ROR2: variants seen among roughly 807,000 people sequenced by gnomAD.
ROR2 encodes ROR family WNT receptor 2.
Under a neutral mutation model 74.9 loss-of-function variants are expected in ROR2, and 33 were observed. The observed-to-expected ratio is 0.44, with a 90% confidence interval of 0.33 to 0.59. The LOEUF (loss-of-function observed/expected upper bound fraction) is 0.59. Ranked by LOEUF, ROR2 falls within the 20% of genes least tolerant of loss-of-function variation. The probability of loss-of-function intolerance (pLI) is 0.02; values close to 1 mark genes in which losing one functional copy is unlikely to be tolerated. For missense variants in ROR2, 1,216 were observed against 1,313.8 expected, an observed-to-expected ratio of 0.93 and a Z score of 1.15; for synonymous variants, 586 against 558.7, an observed-to-expected ratio of 1.05 and a Z score of -0.69.
chr9:91,744,568 T>TA (rs1336206625), intron 4 of ROR2, among the ~76,000 whole-genome samples: 1 of 152,284 alleles, frequency 6.6e-6, no homozygotes, highest in Admixed American at 6.5e-5. Flanking sequence ...CCTTGAGAAT[T>TA]AGACGCTGTA....
chr9:91,780,651 C>T (rs1564271874), intron 1 of ROR2, among the ~76,000 whole-genome samples: 1 of 151,960 alleles, frequency 6.6e-6, no homozygotes, highest in Non-Finnish European at 1.5e-5. Context: ...ATTAGCCAGG[C>T]GTGGTGGCAG....
At chr9:91,906,297 G>A (rs375497749) in intron 1 of ROR2, among the ~76,000 whole-genome samples, 4 of 152,286 alleles carry the variant, frequency 2.6e-5, no homozygotes, top group African/African-American at 7.2e-5. Context: ...CAAACTGCCC[G>A]TTCATAAGGA....
intron 2 of ROR2, among the ~76,000 whole-genome samples, chr9:91,758,264 T>C (rs772260903): frequency 6.6e-6 from 1 of 152,182 alleles, no homozygotes; most frequent in Non-Finnish European, 1.5e-5. Flanking sequence ...ACTTTAGGTA[T>C]TAGGTGAACT....
intron 1 of ROR2, among the ~76,000 whole-genome samples, chr9:91,849,463 G>A (rs747581383): frequency 6.6e-6 from 1 of 152,192 alleles, no homozygotes; most frequent in Non-Finnish European, 1.5e-5. Context: ...CAAGGAAGCC[G>A]GCTAGAAAGA....
In ROR2 at chr9:91,723,747, T is replaced by G. The variant is rs1057029126; in HGVS notation, c.2747A>C (p.Glu916Ala). Residue 916 changes from glutamate to alanine, a missense_variant, in exon 9 of 9, where the codon GAG (glutamate) becomes GCG (alanine). By Grantham distance (107) the Glu-to-Ala change is moderately radical. Transcript: ENST00000375708. ...CTCAGTCTCTGGGACAGAGCCTTCC[T>G]CCTCCTCCTCTGCTTCCTGCACGGT... ...QSTVQEAEEE[E>A]EGSVPETELL... 12 of 1,613,692 alleles carry G rather than the reference T, an allele frequency of 7.4e-6. No individual in the cohort carries two copies. The African/African-American group carries it at 1.1e-4, about 14-fold the overall frequency.
chr9:91,852,650 CCCA>C (rs1563999897), intron 1 of ROR2, among the ~76,000 whole-genome samples: 1,914 of 149,226 alleles, frequency 0.013, 49 homozygotes, highest in African/African-American at 0.045. Context: ...CACACACACA[CCCA>C]CACACACAAT....
chr9:91,759,026 T>C (rs1186438361), intron 2 of ROR2, among the ~76,000 whole-genome samples: 1 of 152,252 alleles, frequency 6.6e-6, no homozygotes, highest in Non-Finnish European at 1.5e-5. Flanking sequence ...AACAGATACA[T>C]CCATGTTCTG....
At chr9:91,902,843 C>T (rs1049338406) in intron 1 of ROR2, among the ~76,000 whole-genome samples, 4 of 152,102 alleles carry the variant, frequency 2.6e-5, no homozygotes, top group East Asian at 3.9e-4. Context: ...CTAAGGGAAC[C>T]GGGCCAGTCA....
chr9:91,774,359 G>C (rs1291043886), intron 2 of ROR2, among the ~76,000 whole-genome samples: 15 of 152,204 alleles, frequency 9.9e-5, no homozygotes, highest in Admixed American at 9.8e-4. Flanking sequence ...AGATTGGACA[G>C]AAATAAAGTG....
At chr9:91,771,713 CTCTCTCTCT>C (rs1298139822) in intron 2 of ROR2, among the ~76,000 whole-genome samples, 2 of 140,550 alleles carry the variant, frequency 1.4e-5, no homozygotes, top group East Asian at 2.3e-4. Flanking sequence ...TCTCTCTCTC[CTCTCTCTCT>C]TCTCTCTCTC....
Position 91,731,133 on chromosome 9 carries a change from TG to T in ROR2, c.959del (p.Ser320Ter). 6.2e-7 allele frequency: 1 copy of T among 1,614,108 alleles called. No homozygotes were observed. Reference sequence around the variant, plus strand: ...TTGCCGTTCCTCTGTAATCCATGCCTGAGCCGTTATAGCACTGATGGTCTGA... The same window carrying T: ...TTGCCGTTCCTCTGTAATCCATGCCTAGCCGTTATAGCACTGATGGTCTGA... Reference protein sequence around the residue: ...LGRYHQCYNGSGMDYRGTAST... With the variant: ...LGRYHQCYNGXGMDYRGTAST... On this transcript the variant is annotated frameshift_variant, in exon 7 of 9. Coordinates refer to ENST00000375708, the MANE Select transcript of ROR2 (RefSeq NM_004560.4). LOFTEE classifies it high-confidence loss of function.
intron 1 of ROR2, among the ~76,000 whole-genome samples, chr9:91,793,588 C>CTA (rs1827072843): frequency 6.6e-6 from 1 of 152,042 alleles, no homozygotes; most frequent in Admixed American, 6.5e-5. Context: ...TAGTGAAACT[C>CTA]TGTCTCTACT....
rs1007210801 is a variant in ROR2, at chr9:91,737,660, A to G, written c.495-142T>C. On this transcript the variant is annotated intron_variant, in intron 4 of 8. Coordinates refer to ENST00000375708, the MANE Select transcript of ROR2 (RefSeq NM_004560.4). Reference sequence around the variant, plus strand: ...AAGTAAATTTAAATAAGTAGAACACATAAGTCACACAAAAACCTGTATGTA... The same window carrying G: ...AAGTAAATTTAAATAAGTAGAACACGTAAGTCACACAAAAACCTGTATGTA... The G allele has an allele frequency of 9.8e-6, 11 of 1,124,816 alleles. No individual in the cohort carries two copies. In the South Asian group the frequency reaches 1.1e-4, roughly 11 times the overall value. The allele number at this position is 1,124,816 out of a possible 1,614,324, so 69.7% of individuals were successfully genotyped here.
intron 2 of ROR2, among the ~76,000 whole-genome samples, chr9:91,771,554 G>A (rs1372389378): frequency 5.9e-5 from 9 of 152,322 alleles, no homozygotes; most frequent in Admixed American, 4.6e-4. Context: ...TTATAACCAA[G>A]TCCTACAGTC....
At chr9:91,874,933 C>CA (rs748961994) in intron 1 of ROR2, among the ~76,000 whole-genome samples, 7,426 of 115,472 alleles carry the variant, frequency 0.064, 371 homozygotes, top group African/African-American at 0.16. Flanking sequence ...AACTCCGTCT[C>CA]AAAAAAAAAA....
At chr9:91,890,454 T>C (rs1830396810) in intron 1 of ROR2, among the ~76,000 whole-genome samples, 1 of 152,242 alleles carries the variant, frequency 6.6e-6, no homozygotes, top group South Asian at 2.1e-4. Flanking sequence ...GTTATGGTTT[T>C]CTTCTCGTAG....
At chr9:91,872,978 T>C (rs956727296) in intron 1 of ROR2, among the ~76,000 whole-genome samples, 1 of 152,244 alleles carries the variant, frequency 6.6e-6, no homozygotes. Context: ...AGAACCTAAG[T>C]ACAGTTTCTC....
At chr9:91,914,953 G>A (rs919134033) in intron 1 of ROR2, among the ~76,000 whole-genome samples, 1 of 143,436 alleles carries the variant, frequency 7.0e-6, no homozygotes, top group African/African-American at 2.5e-5. Flanking sequence ...ATATGGGTAG[G>A]TGGGTCCATC....
intron 1 of ROR2, among the ~76,000 whole-genome samples, chr9:91,845,121 A>T (rs1828889870): frequency 6.6e-6 from 1 of 152,070 alleles, no homozygotes; most frequent in Admixed American, 6.5e-5. Flanking sequence ...TGTAATGAGG[A>T]AACTTTCTCA....
Sources: gnomAD v4.1 joint callset for allele counts (sites outside exome capture counted in the v4.1 genomes callset) on GRCh38, gnomAD v4.1.1 for gene constraint, MANE v1.5 for transcripts, NCBI Gene and HGNC (gene_info 2026-07-23, HGNC 2026-07-21) for gene names.